Variants in ITFG1 observed in about 807,000 individuals in gnomAD.
ITFG1 encodes T-cell immunomodulatory protein.
In ITFG1, 34 loss-of-function variants were observed where a neutral mutation model predicts 81.8. The ratio of observed to expected loss-of-function variants is 0.42; its 90% CI spans 0.32 to 0.55. The LOEUF (loss-of-function observed/expected upper bound fraction) is 0.55. Among genes scored for constraint, ITFG1 ranks in the 20% least tolerant of loss-of-function variants. The pLI, the probability that ITFG1 is intolerant of heterozygous loss-of-function variation, is 0.17. For synonymous variants in ITFG1, 285 were observed against 270.6 expected, an observed-to-expected ratio of 1.05 and a Z score of -0.52; for missense variants, 672 against 755.4, an observed-to-expected ratio of 0.89 and a Z score of 1.29.
At chr16:47,197,135 G>C (rs1485112546) in intron 14 of ITFG1, among the ~76,000 whole-genome samples, 1 of 152,158 alleles carries the variant, frequency 6.6e-6, no homozygotes, top group Admixed American at 6.5e-5. Flanking sequence ...GCCATGCAAA[G>C]CTGTCTTTTG....
intron 12 of ITFG1, among the ~76,000 whole-genome samples, chr16:47,248,340 A>G (rs1442666616): frequency 6.6e-6 from 1 of 152,164 alleles, no homozygotes; most frequent in Non-Finnish European, 1.5e-5. Flanking sequence ...TTTCTAAAAT[A>G]CTTTTCCTGA....
intron 10 of ITFG1, among the ~76,000 whole-genome samples, chr16:47,304,864 T>G (rs1228848672): frequency 6.6e-6 from 1 of 152,178 alleles, no homozygotes; most frequent in Non-Finnish European, 1.5e-5. Flanking sequence ...GTGGCCACTA[T>G]TCTTGTAAAA....
At chr16:47,288,847 G>T (rs1482144929) in intron 10 of ITFG1, among the ~76,000 whole-genome samples, 1 of 152,168 alleles carries the variant, frequency 6.6e-6, no homozygotes, top group Non-Finnish European at 1.5e-5. Flanking sequence ...AGCGAGTCGA[G>T]ATTGCACCAC....
intron 13 of ITFG1, 101 bp downstream of exon 13, chr16:47,237,864 A>G (rs1965893858): frequency 7.9e-6 from 5 of 630,028 alleles, no homozygotes; most frequent in Admixed American, 3.2e-5. Context: ...TCACTGCCAG[A>G]TAATAATGAT....
At chr16:47,174,307 C>T (rs372880829) in intron 14 of ITFG1, among the ~76,000 whole-genome samples, 11 of 151,870 alleles carry the variant, frequency 7.2e-5, no homozygotes, top group African/African-American at 1.7e-4. Context: ...TAGATTCTAG[C>T]GCTAGAATAC....
chr16:47,158,917 C>T lies in ITFG1; in HGVS notation c.1735G>A (p.Val579Ile). 1.2e-6 allele frequency: 2 copies of T among 1,605,074 alleles called. No homozygotes were observed. The highest frequency in any genetic ancestry group is 1.3e-5 in the African/African-American group (1 of 74,620). ...ATGCCAATTATTGCCAAGATGAAAA[C>T]ACAGACACCGATGAGAGCTATAGCA... ...LTAIALIGVC[V>I]FILAIIGILH... Residue 579 changes from valine (V) to isoleucine (I), a missense_variant, in exon 17 of 18, where the codon GTT becomes ATT. Transcript: ENST00000320640.
chr16:47,191,709 C>G (rs186425818), intron 14 of ITFG1, among the ~76,000 whole-genome samples: 84 of 152,238 alleles, frequency 5.5e-4, no homozygotes, highest in African/African-American at 1.9e-3. Flanking sequence ...CAAGGTTTCA[C>G]CATGCTGGCC....
chr16:47,351,166 T>C (rs1208271416), intron 8 of ITFG1, among the ~76,000 whole-genome samples: 2 of 152,156 alleles, frequency 1.3e-5, no homozygotes, highest in African/African-American at 4.8e-5. Context: ...AGGGATGCCC[T>C]CTCTCACCAC....
intron 14 of ITFG1, among the ~76,000 whole-genome samples, chr16:47,200,410 C>T (rs1473346815): frequency 2.0e-5 from 3 of 152,062 alleles, no homozygotes; most frequent in Non-Finnish European, 4.4e-5. Flanking sequence ...GCTCTCTTTA[C>T]CCCAGGAAAA....
intron 7 of ITFG1, among the ~76,000 whole-genome samples, chr16:47,373,587 C>A (rs902551017): frequency 6.6e-6 from 1 of 152,104 alleles, no homozygotes; most frequent in African/African-American, 2.4e-5. Flanking sequence ...GGCCTAAATA[C>A]CACATCTTTC....
At chr16:47,292,141 G>A (rs866065751) in intron 10 of ITFG1, among the ~76,000 whole-genome samples, 15 of 151,852 alleles carry the variant, frequency 9.9e-5, no homozygotes, top group African/African-American at 3.6e-4. Context: ...AGCCTCCCAA[G>A]TTGCTGGGAT....
rs563832095 is a variant in ITFG1 at position 47,173,363 on chromosome 16, T to A, written c.1454-10699A>T. Among the ~76,000 whole-genome samples, 8 of 152,322 alleles carry A rather than the reference T, an allele frequency of 5.3e-5. No individual in the cohort carries two copies. In the South Asian group the frequency reaches 1.7e-3, roughly 32 times the overall value. On this transcript the variant is annotated intron_variant, in intron 14 of 17. Coordinates refer to ENST00000320640, the MANE Select transcript of ITFG1 (RefSeq NM_030790.5). ...TGAGATTTGAGTCTGTTTTATTCACTTCTGTATTCTAAGACCCTAGAACAG... is the reference window on the plus strand; with the variant it reads ...TGAGATTTGAGTCTGTTTTATTCACATCTGTATTCTAAGACCCTAGAACAG...
intron 12 of ITFG1, among the ~76,000 whole-genome samples, chr16:47,238,681 T>C (rs1965901335): frequency 1.3e-5 from 2 of 152,178 alleles, no homozygotes; most frequent in South Asian, 4.1e-4. Flanking sequence ...TATGCTATCA[T>C]TTTAAAATGC....
At chr16:47,423,713 G>A (rs1047893852) in intron 6 of ITFG1, among the ~76,000 whole-genome samples, 1 of 152,220 alleles carries the variant, frequency 6.6e-6, no homozygotes. Context: ...GCTGGATATG[G>A]GATTCTGGGT....
chr16:47,203,162 A>G (rs1203306246), intron 14 of ITFG1, among the ~76,000 whole-genome samples: 1 of 152,230 alleles, frequency 6.6e-6, no homozygotes, highest in African/African-American at 2.4e-5. Context: ...AATATTATTC[A>G]GCCTTAAAGC....
intron 17 of ITFG1, among the ~76,000 whole-genome samples, chr16:47,156,807 T>C (rs757351086): frequency 8.5e-5 from 13 of 152,084 alleles, no homozygotes; most frequent in Non-Finnish European, 1.9e-4. Context: ...TGGTAAAAAA[T>C]ACGACTGTGG....
intron 14 of ITFG1, among the ~76,000 whole-genome samples, chr16:47,217,234 TTAGA>T (rs1965635865): frequency 6.6e-6 from 1 of 152,244 alleles, no homozygotes; most frequent in Non-Finnish European, 1.5e-5. Context: ...AGTGCATTCC[TTAGA>T]TAATCATCTA....
rs1461759082 is a variant in ITFG1 at position 47,412,519 on chromosome 16, T to C, written c.655+16285A>G. ...CAACATGGCAAAACCCAGTCTCTAC[T>C]GAAGATTTAAAAAAAAAGAAAAAAA... On this transcript the variant is annotated intron_variant, in intron 6 of 17. Transcript: ENST00000320640. Among the ~76,000 whole-genome samples, 5 of 151,826 alleles carry C rather than the reference T, an allele frequency of 3.3e-5. No homozygotes were observed. The East Asian group carries it at 7.8e-4, about 24-fold the overall frequency.
At chr16:47,450,867 T>C (rs1027166329) in intron 5 of ITFG1, among the ~76,000 whole-genome samples, 2 of 152,176 alleles carry the variant, frequency 1.3e-5, no homozygotes, top group African/African-American at 4.8e-5. Context: ...TCCAGGCACT[T>C]TTCCCTAAGA....
Sources: gnomAD v4.1 joint callset for allele counts (sites outside exome capture counted in the v4.1 genomes callset) on GRCh38, gnomAD v4.1.1 for gene constraint, MANE v1.5 for transcripts, NCBI Gene and HGNC (gene_info 2026-07-23, HGNC 2026-07-21) for gene names.